ATP9A: variants seen among roughly 807,000 people sequenced by gnomAD.
ATP9A encodes the protein probable phospholipid-transporting ATPase IIA.
A neutral mutation model predicts 144.1 loss-of-function variants in ATP9A; 52 were observed. The ratio of observed to expected loss-of-function variants is 0.36; its 90% CI spans 0.29 to 0.45. ATP9A has a LOEUF of 0.45. Among genes scored for constraint, ATP9A ranks in the 20% least tolerant of loss-of-function variants. The pLI, the probability that ATP9A is intolerant of heterozygous loss-of-function variation, is 1.00. For synonymous variants in ATP9A, 582 were observed against 557.4 expected (o/e 1.04, Z -0.62); for missense variants, 947 against 1,392.7 (o/e 0.68, Z 5.09).
chr20:51,678,152 G>T (rs972088234), intron 9 of ATP9A, among the ~76,000 whole-genome samples: 1 of 151,704 alleles, frequency 6.6e-6, no homozygotes, highest in African/African-American at 2.4e-5. Flanking sequence ...AGGGGGCAGT[G>T]GGGGGCAGGC....
intron 13 of ATP9A, among the ~76,000 whole-genome samples, chr20:51,665,149 C>T (rs117137685): frequency 0.015 from 2,319 of 151,920 alleles, 28 homozygotes; most frequent in Non-Finnish European, 0.022. Context: ...ACCGGCCAGA[C>T]ACAAAAGGTC....
At chr20:51,747,787 A>G (rs549216464) in intron 1 of ATP9A, among the ~76,000 whole-genome samples, 3 of 152,148 alleles carry the variant, frequency 2.0e-5, no homozygotes, top group South Asian at 4.2e-4. Flanking sequence ...CACTCCCACA[A>G]AGATCCTACA....
rs1445299717 is a variant in ATP9A at position 51,597,761 on chromosome 20, A to C, written c.*3450T>G. 1 of 152,126 alleles carries C rather than the reference A, an allele frequency of 6.6e-6. No individual in the cohort carries two copies. The highest frequency in any genetic ancestry group is 1.5e-5 in the Non-Finnish European group (1 of 68,026). The allele number at this position is 152,126 out of a possible 1,614,324, so 9.4% of individuals were successfully genotyped here. ...TCTGGCGGGGGGTGGGGGAGGCATT[A>C]GCATATCAATTTCCAATGAGCACAA... On this transcript the variant is annotated 3_prime_UTR_variant, in exon 28 of 28. Transcript: ENST00000338821.
chr20:51,611,400 T>C lies in ATP9A; in HGVS notation c.2572-1235A>G, dbSNP rs1290253244. On this transcript the variant is annotated intron_variant, in intron 23 of 27. Coordinates refer to ENST00000338821, the MANE Select transcript of ATP9A (RefSeq NM_006045.3). The surrounding 1 kb of genome is among the most constrained non-coding windows in gnomAD (Gnocchi z 4.2). ...GTAAAAATGTCAAGAATCTGTTGTTTATTTTCCAGACCAGTATCAGGAGCC... is the reference window on the plus strand; with the variant it reads ...GTAAAAATGTCAAGAATCTGTTGTTCATTTTCCAGACCAGTATCAGGAGCC... Among the ~76,000 whole-genome samples, 1 of 152,206 alleles carries C rather than the reference T, an allele frequency of 6.6e-6. No individual in the cohort carries two copies. Among genetic ancestry groups the C allele is most frequent in the Non-Finnish European group, 1.5e-5 (1 of 68,040 alleles).
intron 14 of ATP9A, among the ~76,000 whole-genome samples, chr20:51,652,180 T>C (rs189099328): frequency 8.6e-4 from 131 of 152,354 alleles, no homozygotes; most frequent in African/African-American, 3.0e-3. Flanking sequence ...CTCCAGCATC[T>C]GAGCAGTGCT....
At chr20:51,701,130 T>C (rs2077591706) in intron 4 of ATP9A, among the ~76,000 whole-genome samples, 1 of 152,220 alleles carries the variant, frequency 6.6e-6, no homozygotes, top group South Asian at 2.1e-4. Context: ...TTTATGCTGC[T>C]GACCTGGCCC....
At chr20:51,727,733 C>T (rs995949731) in intron 2 of ATP9A, among the ~76,000 whole-genome samples, 9 of 152,020 alleles carry the variant, frequency 5.9e-5, no homozygotes, top group Non-Finnish European at 8.8e-5. Context: ...AGTTCAAGAC[C>T]AGCCTGGCCA....
rs778440862 is a variant in ATP9A, at chr20:51,642,726, C to CAAAAAAAAAAAA, written c.1507-3234_1507-3223dup. On this transcript the variant is annotated intron_variant, in intron 14 of 27. Coordinates refer to ENST00000338821, the MANE Select transcript of ATP9A (RefSeq NM_006045.3). ...GGGTGACTGAGTGAGACTCTGTCTC[C>CAAAAAAAAAAAA]AAAAAAAAAAAAAAAAAAAAAAAAA... is the stretch of plus-strand genomic sequence containing the variant. 1.3e-3 allele frequency among the ~76,000 whole-genome samples: 42 copies of CAAAAAAAAAAAA among 31,146 alleles called. 5 individuals are homozygous for CAAAAAAAAAAAA. Among genetic ancestry groups the CAAAAAAAAAAAA allele is most frequent in the African/African-American group, 2.3e-3 (26 of 11,182 alleles). The allele number at this position is 31,146 out of a possible 152,430, so 20.4% of individuals were successfully genotyped here. A position where few individuals can be genotyped will look rare whatever the true frequency, so the allele number is the denominator to read the frequency against.
intron 1 of ATP9A, among the ~76,000 whole-genome samples, chr20:51,751,884 G>A (rs1035405892): frequency 3.9e-5 from 6 of 152,130 alleles, no homozygotes; most frequent in Non-Finnish European, 7.4e-5. Context: ...CACCGCGCCC[G>A]GCCGCTCCTC....
intron 22 of ATP9A, among the ~76,000 whole-genome samples, chr20:51,616,738 G>A (rs2077204531): frequency 6.6e-6 from 1 of 152,090 alleles, no homozygotes; most frequent in Non-Finnish European, 1.5e-5. Flanking sequence ...AGGAGAAAAA[G>A]ACAGAAAAAA....
chr20:51,764,528 G>A (rs1224745608), intron 1 of ATP9A, among the ~76,000 whole-genome samples: 1 of 152,176 alleles, frequency 6.6e-6, no homozygotes, highest in African/African-American at 2.4e-5. Context: ...AGAAATAACT[G>A]CATTCTGTCC....
intron 24 of ATP9A, among the ~76,000 whole-genome samples, chr20:51,608,960 G>T (rs1232228229): frequency 1.7e-5 from 1 of 57,402 alleles, no homozygotes; most frequent in Admixed American, 1.9e-4. Flanking sequence ...TGTGTAGGGG[G>T]TGATGGTACA....
chr20:51,763,545 C>T (rs1216296769), intron 1 of ATP9A, among the ~76,000 whole-genome samples: 1 of 151,758 alleles, frequency 6.6e-6, no homozygotes, highest in Non-Finnish European at 1.5e-5. Context: ...GATCTCCTGA[C>T]CTCCTGATCC....
chr20:51,753,839 G>T (rs796148070), intron 1 of ATP9A, among the ~76,000 whole-genome samples: 426 of 142,346 alleles, frequency 3.0e-3, no homozygotes, highest in African/African-American at 9.6e-3. Flanking sequence ...GCTAATTTTG[G>T]TTTTTTTTTT....
chr20:51,756,429 T>C (rs2077856523), intron 1 of ATP9A, among the ~76,000 whole-genome samples: 1 of 152,066 alleles, frequency 6.6e-6, no homozygotes, highest in Admixed American at 6.6e-5. Context: ...TAGCTGAGAT[T>C]ACAGGTGCAC....
intron 3 of ATP9A, among the ~76,000 whole-genome samples, chr20:51,716,035 T>C (rs1234816921): frequency 1.5e-5 from 2 of 136,502 alleles, no homozygotes; most frequent in East Asian, 2.2e-4. Flanking sequence ...TGGGGGCGGG[T>C]GGGGTGATAG....
At chr20:51,673,350 G>A (rs1045832947) in intron 11 of ATP9A, among the ~76,000 whole-genome samples, 28 of 152,012 alleles carry the variant, frequency 1.8e-4, no homozygotes, top group African/African-American at 6.3e-4. Flanking sequence ...CTCCAGCCTG[G>A]GCGACAGAGC....
intron 3 of ATP9A, among the ~76,000 whole-genome samples, chr20:51,725,198 C>T (rs1255208533): frequency 6.6e-6 from 1 of 152,174 alleles, no homozygotes; most frequent in East Asian, 1.9e-4. Flanking sequence ...TGTCAACTTA[C>T]TGCAACCTCT....
chr20:51,726,889 CTTTTTTTTTT>C (rs55719132), intron 2 of ATP9A, among the ~76,000 whole-genome samples: 109 of 93,988 alleles, frequency 1.2e-3, no homozygotes, highest in African/African-American at 1.7e-3. Flanking sequence ...TGTGTTATTT[CTTTTTTTTTT>C]TTTTTTTTTT....
Sources: allele counts gnomAD v4.1 joint callset (sites outside exome capture counted in the v4.1 genomes callset), GRCh38; gene constraint gnomAD v4.1.1; non-coding constraint Gnocchi (gnomAD v3.1); transcripts MANE v1.5; gene names NCBI Gene and HGNC (gene_info 2026-07-23, HGNC 2026-07-21).